Variants in ASAP1 observed in about 807,000 individuals in gnomAD.
ASAP1 encodes the protein arf-GAP with SH3 domain, ANK repeat and PH domain-containing protein 1.
In ASAP1, 43 loss-of-function variants were observed where a neutral mutation model predicts 145.2. The observed-to-expected ratio is 0.30, with a 90% CI of 0.23 to 0.38. The LOEUF (loss-of-function observed/expected upper bound fraction) is 0.38, where lower values mean the gene tolerates loss of function less well. ASAP1 is among the 10% of genes least tolerant of loss of function. The pLI, the probability that ASAP1 is intolerant of heterozygous loss-of-function variation, is 1.00. For missense variants in ASAP1, 1,018 were observed against 1,355.3 expected (o/e 0.75, Z 3.91); for synonymous variants, 546 against 515.5 (o/e 1.06, Z -0.80).
At chr8:130,283,429 G>A (rs923501804) in intron 3 of ASAP1, among the ~76,000 whole-genome samples, 3 of 151,664 alleles carry the variant, frequency 2.0e-5, no homozygotes, top group African/African-American at 7.3e-5. Flanking sequence ...AATACAAAAA[G>A]TAGCTGCGCA....
rs757534536 is a variant in ASAP1, at chr8:130,136,960, G to C, written c.1159C>G (p.Leu387Val). Reference sequence around the variant, plus strand: ...GAGAAAAAGGACTCACGTGATATCAGGTCAAAAGATTTTTTGTCTTCGGCA... The same window carrying C: ...GAGAAAAAGGACTCACGTGATATCACGTCAAAAGATTTTTTGTCTTCGGCA... ...PNAEDKKSFDLISHNRTYHFQ... is the reference protein window; with the variant it reads ...PNAEDKKSFDVISHNRTYHFQ... Residue 387 changes from leucine to valine, a missense_variant, in exon 14 of 30, where the codon CTG (leucine) becomes GTG (valine). By Grantham distance (32) the Leu-to-Val change is conservative. Coordinates refer to ENST00000518721, the MANE Select transcript of ASAP1 (RefSeq NM_018482.4). The C allele has an allele frequency of 6.2e-7, 1 of 1,614,062 alleles. No individual in the cohort carries two copies. Among genetic ancestry groups the C allele is most frequent in the Non-Finnish European group, 8.5e-7 (1 of 1,179,914 alleles).
intron 1 of ASAP1, among the ~76,000 whole-genome samples, chr8:130,411,661 G>A (rs1407454204): frequency 6.6e-6 from 1 of 152,210 alleles, no homozygotes; most frequent in East Asian, 1.9e-4. Flanking sequence ...AAAAAAGGAA[G>A]TTGTATAAGT....
rs58907739 is a variant in ASAP1, at chr8:130,072,831, G to GCGCGCGC, written c.2701+3516_2701+3517insGCGCGCG. On this transcript the variant is annotated intron_variant, in intron 27 of 29. Coordinates refer to ENST00000518721, the MANE Select transcript of ASAP1 (RefSeq NM_018482.4). ...TGTGTGTGTGTGTGTGTGTGCGCGCGGGGGGGGGCAGTTTTGGGGACTGAG... is the reference window on the plus strand; with the variant it reads ...TGTGTGTGTGTGTGTGTGTGCGCGCGCGCGCGCGGGGGGGGCAGTTTTGGGGACTGAG... Among the ~76,000 whole-genome samples the GCGCGCGC allele has an allele frequency of 4.0e-3, 439 of 110,770 alleles. 13 individuals are homozygous for GCGCGCGC. Among genetic ancestry groups the GCGCGCGC allele is most frequent in the African/African-American group, 0.014 (399 of 27,918 alleles). 72.7% of individuals were successfully genotyped at this position (110,770 alleles called of 152,430 possible). A position where few individuals can be genotyped will look rare whatever the true frequency, so the allele number is the denominator to read the frequency against.
At chr8:130,098,199 G>A (rs933057510) in intron 24 of ASAP1, among the ~76,000 whole-genome samples, 1 of 152,108 alleles carries the variant, frequency 6.6e-6, no homozygotes, top group Admixed American at 6.6e-5. Context: ...GCTACGTCCA[G>A]GCAGAACCCC....
chr8:130,181,576 C>A (rs568125412), intron 7 of ASAP1, among the ~76,000 whole-genome samples: 1 of 152,158 alleles, frequency 6.6e-6, no homozygotes, highest in African/African-American at 2.4e-5. Context: ...TCCAAGAATA[C>A]ATTTTAATCA....
chr8:130,168,984 GA>G lies in ASAP1; in HGVS notation c.822+7del, dbSNP rs2097685833. ...AGTTAAACTGCATGTATTTTATAAA[GA>G]ACTTACATTATATAAATCAGCAGCC... On this transcript the variant is annotated splice_region_variant and intron_variant, in intron 10 of 29. Transcript: ENST00000518721. 6.6e-7 allele frequency: 1 copy of G among 1,507,972 alleles called. No homozygotes were observed. Among genetic ancestry groups the G allele is most frequent in the African/African-American group, 1.4e-5 (1 of 71,030 alleles). The allele number at this position is 1,507,972 out of a possible 1,614,324, so 93.4% of individuals were successfully genotyped here. A position where few individuals can be genotyped will look rare whatever the true frequency, so the allele number is the denominator to read the frequency against.
At chr8:130,071,350 G>T (rs748458624) in intron 27 of ASAP1, among the ~76,000 whole-genome samples, 4 of 152,184 alleles carry the variant, frequency 2.6e-5, no homozygotes, top group Non-Finnish European at 4.4e-5. Flanking sequence ...ATTCCTGAGG[G>T]CATCATGGGG....
chr8:130,311,796 T>C (rs1156658829), intron 3 of ASAP1, among the ~76,000 whole-genome samples: 2 of 132,802 alleles, frequency 1.5e-5, no homozygotes, highest in Non-Finnish European at 3.2e-5. Flanking sequence ...GTGATATAGG[T>C]TACTTATAAT....
intron 24 of ASAP1, among the ~76,000 whole-genome samples, chr8:130,103,319 C>G (rs370478322): frequency 1.8e-4 from 27 of 151,830 alleles, no homozygotes; most frequent in African/African-American, 6.3e-4. Context: ...TAGCTAAAGG[C>G]TTGTCAATTT....
intron 3 of ASAP1, among the ~76,000 whole-genome samples, chr8:130,333,094 T>C (rs1453765435): frequency 1.3e-5 from 2 of 152,194 alleles, no homozygotes; most frequent in Non-Finnish European, 2.9e-5. Flanking sequence ...TTTGGGTAAG[T>C]AGCTCTCAAA....
Position 130,373,576 on chromosome 8 carries a change from C to T in ASAP1, c.60-15433G>A, listed in dbSNP as rs187496607. On this transcript the variant is annotated intron_variant, in intron 2 of 29. Coordinates refer to ENST00000518721, the MANE Select transcript of ASAP1 (RefSeq NM_018482.4). ...TCAAAATAATAAACTTGGCCAGGTG[C>T]AGTGGCTCACGCCTGTTATCCCAGC... Among the ~76,000 whole-genome samples the T allele has an allele frequency of 3.2e-3, 488 of 152,264 alleles. 2 individuals carry two copies. The highest frequency in any genetic ancestry group is 4.4e-3 in the Non-Finnish European group (298 of 68,010).
chr8:130,272,257 G>A (rs930247123), intron 3 of ASAP1, among the ~76,000 whole-genome samples: 10 of 152,184 alleles, frequency 6.6e-5, no homozygotes, highest in African/African-American at 2.4e-4. Context: ...CTAACCTTCA[G>A]GAAAATGCAA....
At chr8:130,297,744 T>C (rs898232542) in intron 3 of ASAP1, among the ~76,000 whole-genome samples, 1 of 152,098 alleles carries the variant, frequency 6.6e-6, no homozygotes, top group African/African-American at 2.4e-5. Flanking sequence ...GGAGCAGAGG[T>C]AGAGCTGGAA....
At chr8:130,204,067 T>A (rs894095615) in intron 5 of ASAP1, among the ~76,000 whole-genome samples, 2 of 152,194 alleles carry the variant, frequency 1.3e-5, no homozygotes, top group African/African-American at 4.8e-5. Flanking sequence ...TACAGGTCTG[T>A]GGCTTGTTAG....
At chr8:130,137,976 T>G (rs78629627) in intron 13 of ASAP1, among the ~76,000 whole-genome samples, 1 of 152,160 alleles carries the variant, frequency 6.6e-6, no homozygotes, top group Non-Finnish European at 1.5e-5. Flanking sequence ...CCTGGAGAAA[T>G]AAGCAATGAA....
intron 1 of ASAP1, among the ~76,000 whole-genome samples, chr8:130,437,964 G>A (rs1017905910): frequency 2.0e-5 from 3 of 152,214 alleles, no homozygotes; most frequent in African/African-American, 7.2e-5. Flanking sequence ...TTAGGGCAGT[G>A]AAGGAAGAGG....
chr8:130,340,525 T>C (rs1825309429), intron 3 of ASAP1, among the ~76,000 whole-genome samples: 1 of 152,234 alleles, frequency 6.6e-6, no homozygotes, highest in African/African-American at 2.4e-5. Flanking sequence ...TAAGTATTCA[T>C]GGCATTTATA....
In ASAP1 at chr8:130,349,878, A is replaced by G. The variant is rs144012872; in HGVS notation, c.186+8139T>C. Among the ~76,000 whole-genome samples the G allele has an allele frequency of 5.1e-4, 78 of 152,342 alleles. No homozygotes were observed. The East Asian group carries it at 0.013, about 26-fold the overall frequency. Reference sequence around the variant, plus strand: ...CAAATGGGGAAACAGAGGCTTAGACATGAAGTGTAGCCCCAAACCTTACTC... The same window carrying G: ...CAAATGGGGAAACAGAGGCTTAGACGTGAAGTGTAGCCCCAAACCTTACTC... On this transcript the variant is annotated intron_variant, in intron 3 of 29. Transcript: ENST00000518721.
chr8:130,179,435 G>C (rs1167339836), intron 8 of ASAP1, 86 bp from the exon 9 acceptor site: 1 of 763,824 alleles, frequency 1.3e-6, no homozygotes, highest in African/African-American at 1.7e-5. Flanking sequence ...CATCACCCCT[G>C]AATCTGCACA....
Sources: allele counts gnomAD v4.1 joint callset (sites outside exome capture counted in the v4.1 genomes callset), GRCh38; gene constraint gnomAD v4.1.1; transcripts MANE v1.5; gene names NCBI Gene and HGNC (gene_info 2026-07-23, HGNC 2026-07-21).